The following WDPCP variants were observed in gnomAD, a reference collection of about 807,000 sequenced individuals.
WDPCP encodes WD repeat containing planar cell polarity effector, also known as WD repeat-containing and planar cell polarity effector protein fritz homolog.
WDPCP carries 71 observed loss-of-function variants against 93.1 expected under a neutral mutation model. The observed-to-expected ratio is 0.76, with a 90% CI of 0.63 to 0.93. The LOEUF is 0.93. Ranked by LOEUF, WDPCP falls within the 40% of genes least tolerant of loss-of-function variation. The pLI is 0.00. For synonymous variants in WDPCP, 315 were observed against 315.0 expected (o/e 1.00, Z 0.00); for missense variants, 844 against 887.4 (o/e 0.95, Z 0.62).
upstream of WDPCP, chr2:63,589,185 C>T: frequency 6.2e-7 from 1 of 1,604,350 alleles, no homozygotes; most frequent in Non-Finnish European, 8.5e-7. Context: ...GACTCATCTT[C>T]TGGGGATTGC....
intron 2 of WDPCP, among the ~76,000 whole-genome samples, chr2:63,663,786 C>T (rs262514): frequency 0.8 from 121,920 of 152,104 alleles, 49,276 homozygotes; most frequent in East Asian, 0.98. Flanking sequence ...GATAAAAATA[C>T]TCGATCATGC....
intron 12 of WDPCP, among the ~76,000 whole-genome samples, chr2:63,370,580 A>ATTT (rs1185344055): frequency 6.6e-6 from 1 of 152,212 alleles, no homozygotes; most frequent in Non-Finnish European, 1.5e-5. Flanking sequence ...AAAAAACAAC[A>ATTT]TAGAAAAGAA....
intron 1 of WDPCP, among the ~76,000 whole-genome samples, chr2:63,817,063 C>T (rs1436908503): frequency 6.6e-6 from 1 of 151,080 alleles, no homozygotes; most frequent in East Asian, 1.9e-4. Context: ...GTTACACAGG[C>T]GAATAGTTTG....
In WDPCP at chr2:63,382,045, G is replaced by A. The variant is rs1270181734; in HGVS notation, c.1485C>T (p.Tyr495=). 2 of 1,613,250 alleles carry A rather than the reference G, an allele frequency of 1.2e-6. No individual in the cohort carries two copies. Among genetic ancestry groups the A allele is most frequent in the Non-Finnish European group, 1.7e-6 (2 of 1,179,698 alleles). ...CCTCATAGATCTCATCACAGTGAATGTACTGGAAGATGATGTCTATCAGGC... is the reference window on the plus strand; with the variant it reads ...CCTCATAGATCTCATCACAGTGAATATACTGGAAGATGATGTCTATCAGGC... ...QLGLIDIIFQ[Y]IHCDEIYEAI... Residue 495 remains tyrosine (Y), a synonymous_variant, in exon 11 of 18, where the codon TAC becomes TAT. Transcript: ENST00000272321.
intron 14 of WDPCP, among the ~76,000 whole-genome samples, chr2:63,231,349 G>A (rs1453677222): frequency 6.6e-6 from 1 of 152,106 alleles, no homozygotes; most frequent in Non-Finnish European, 1.5e-5. Flanking sequence ...GCAAGAGAAG[G>A]AAATAAAGAG....
intron 13 of WDPCP, among the ~76,000 whole-genome samples, chr2:63,283,577 T>A (rs1034074646): frequency 1.3e-5 from 2 of 152,050 alleles, no homozygotes; most frequent in Non-Finnish European, 2.9e-5. Context: ...ACAGAGACTG[T>A]GGCCTGCAGA....
chr2:63,686,410 G>A (rs934152157), intron 2 of WDPCP, among the ~76,000 whole-genome samples: 3 of 151,994 alleles, frequency 2.0e-5, no homozygotes, highest in Non-Finnish European at 2.9e-5. Flanking sequence ...TGCAATGAAC[G>A]CTATAAAACA....
At chr2:63,704,906 C>T (rs932239272) in intron 2 of WDPCP, among the ~76,000 whole-genome samples, 7 of 152,086 alleles carry the variant, frequency 4.6e-5, no homozygotes, top group East Asian at 1.9e-4. Context: ...TGGTAGAATT[C>T]GGCTGTGAAT....
rs904401906 is a variant in WDPCP, at chr2:63,404,382, G to T, written c.1101C>A (p.His367Gln). The T allele has an allele frequency of 5.0e-6, 8 of 1,614,190 alleles. No homozygotes were observed. Among genetic ancestry groups the T allele is most frequent in the South Asian group, 1.1e-5 (1 of 91,082 alleles). Residue 367 changes from histidine (H) to glutamine (Q), a missense_variant, in exon 10 of 18, where the codon CAC (histidine) becomes CAA (glutamine). By Grantham distance (24) the His-to-Gln change is conservative (BLOSUM62 0). Coordinates refer to ENST00000272321, the MANE Select transcript of WDPCP (RefSeq NM_015910.7). ...EDSSLILYETHRRVTLLAQTE... is the reference protein window; with the variant it reads ...EDSSLILYETQRRVTLLAQTE... ...TCTGTGCTAAGAGAGTCACTCTACG[G>T]TGAGTTTCATAAAGAATTAGCGAAG...
At position 63,344,246 on chromosome 2, in the gene WDPCP, T is replaced by C. The variant is rs190124066; in HGVS notation, c.1749-30935A>G. ...CTTGCAAAGCCTGTATTCCTTGTCA[T>C]TTGTGGTCGGTGAAGTCTCCATTTC... is the stretch of plus-strand genomic sequence containing the variant. On this transcript the variant is annotated intron_variant, in intron 12 of 17. Coordinates refer to ENST00000272321, the MANE Select transcript of WDPCP (RefSeq NM_015910.7). Among the ~76,000 whole-genome samples, 63 of 152,318 alleles carry C rather than the reference T, an allele frequency of 4.1e-4. No individual in the cohort carries two copies. In the East Asian group the frequency reaches 0.01, roughly 24 times the overall value.
At position 63,259,376 on chromosome 2, in the gene WDPCP, A is replaced by T. The variant is rs779790542; in HGVS notation, c.1846T>A (p.Leu616Met). 1.2e-6 allele frequency: 2 copies of T among 1,612,408 alleles called. No homozygotes were observed. The highest frequency in any genetic ancestry group is 1.7e-6 in the Non-Finnish European group (2 of 1,179,574). ...IHYLALDKGE[L>M]ALAEVARKRA... is the part of the protein sequence containing the mutation. The stretch of plus-strand genomic sequence containing the variant: ...TTTCTTGCCACTTCAGCTAGTGCCA[A>T]TTCACCTTTATCTAGTGCAAGGTAA... Residue 616 changes from leucine to methionine, a missense_variant, in exon 14 of 18, where the codon TTG (leucine) becomes ATG (methionine). By Grantham distance (15) the Leu-to-Met change is conservative. Coordinates refer to ENST00000272321, the MANE Select transcript of WDPCP (RefSeq NM_015910.7).
chr2:63,466,012 G>C (rs1395453803), intron 6 of WDPCP, among the ~76,000 whole-genome samples: 1 of 152,008 alleles, frequency 6.6e-6, no homozygotes, highest in Non-Finnish European at 1.5e-5. Context: ...GCCTAGTTTG[G>C]GAACTTTAGG....
intron 12 of WDPCP, among the ~76,000 whole-genome samples, chr2:63,372,404 A>G (rs1691473970): frequency 6.6e-6 from 1 of 152,182 alleles, no homozygotes; most frequent in Admixed American, 6.6e-5. Context: ...GCCCTTTGCC[A>G]TATTCCTAGC....
intron 2 of WDPCP, among the ~76,000 whole-genome samples, chr2:63,708,425 C>T (rs1669202643): frequency 6.6e-6 from 1 of 152,202 alleles, no homozygotes; most frequent in Admixed American, 6.5e-5. Context: ...ACCTTCCGAG[C>T]CAGGTGTGGG....
intron 1 of WDPCP, among the ~76,000 whole-genome samples, chr2:63,551,577 C>T (rs375722729): frequency 1.3e-5 from 2 of 152,154 alleles, no homozygotes; most frequent in South Asian, 2.1e-4. Flanking sequence ...GCCTGCAGAA[C>T]CATGAACCAA....
At chr2:63,352,578 T>G (rs769860370) in intron 12 of WDPCP, among the ~76,000 whole-genome samples, 1 of 152,210 alleles carries the variant, frequency 6.6e-6, no homozygotes, top group Admixed American at 6.5e-5. Flanking sequence ...CAGGGAATCA[T>G]AGTAAGTTGT....
intron 6 of WDPCP, among the ~76,000 whole-genome samples, chr2:63,452,380 T>A (rs981847005): frequency 1.3e-5 from 2 of 152,094 alleles, no homozygotes; most frequent in Non-Finnish European, 2.9e-5. Context: ...GAATCCAACT[T>A]ACAAGGGATG....
Position 63,313,243 on chromosome 2 carries a change from C to T in WDPCP, c.1812+5G>A, listed in dbSNP as rs1433086839. 1 of 1,613,226 alleles carries T rather than the reference C, an allele frequency of 6.2e-7. No homozygotes were observed. The highest frequency in any genetic ancestry group is 1.3e-5 in the African/African-American group (1 of 75,000). Reference sequence around the variant, plus strand: ...GGCACAAAATCATCTCTGAAAATGACTCACCATAAAGAGGTCACGAGCACC... The same window carrying T: ...GGCACAAAATCATCTCTGAAAATGATTCACCATAAAGAGGTCACGAGCACC... On this transcript the variant is annotated splice_donor_5th_base_variant and intron_variant, in intron 13 of 17. Coordinates refer to ENST00000272321, the MANE Select transcript of WDPCP (RefSeq NM_015910.7).
At chr2:63,292,582 T>C (rs527266851) in intron 13 of WDPCP, among the ~76,000 whole-genome samples, 1 of 152,306 alleles carries the variant, frequency 6.6e-6, no homozygotes, top group South Asian at 2.1e-4. Context: ...CTATGCCTTG[T>C]CTACCTATAG....
Sources: allele counts gnomAD v4.1 joint callset (sites outside exome capture counted in the v4.1 genomes callset), GRCh38; gene constraint gnomAD v4.1.1; transcripts MANE v1.5; gene names NCBI Gene and HGNC (gene_info 2026-07-23, HGNC 2026-07-21).